TTC7B: variants seen among roughly 807,000 people sequenced by gnomAD.
The protein encoded by TTC7B is tetratricopeptide repeat protein 7B.
A neutral mutation model predicts 106.8 loss-of-function variants in TTC7B; 28 were observed. That is an observed-to-expected ratio of 0.26 (90% confidence interval 0.19 to 0.36). TTC7B has a LOEUF of 0.36. TTC7B is among the 10% of genes least tolerant of loss of function. TTC7B has a pLI of 1.00. For synonymous variants in TTC7B, 405 were observed against 430.6 expected, an observed-to-expected ratio of 0.94 and a Z score of 0.74; for missense variants, 862 against 1,076.4, an observed-to-expected ratio of 0.80 and a Z score of 2.79.
intron 5 of TTC7B, among the ~76,000 whole-genome samples, chr14:90,723,605 C>T (rs1888976549): frequency 6.6e-6 from 1 of 152,204 alleles, no homozygotes; most frequent in Non-Finnish European, 1.5e-5. Flanking sequence ...TTCCCCTGTG[C>T]TTGACCTGGT....
At chr14:90,704,210 C>T (rs1888114423) in intron 5 of TTC7B, among the ~76,000 whole-genome samples, 1 of 152,244 alleles carries the variant, frequency 6.6e-6, no homozygotes, top group South Asian at 2.1e-4. Flanking sequence ...CTACGTCCCA[C>T]CATCCGGCCC....
At chr14:90,561,502 G>A (rs1049549109) in intron 19 of TTC7B, among the ~76,000 whole-genome samples, 20 of 152,194 alleles carry the variant, frequency 1.3e-4, no homozygotes, top group African/African-American at 4.3e-4. Context: ...ACCAAGGTGC[G>A]GCATTTGTTG....
At chr14:90,784,884 A>G (rs2140039691) in intron 2 of TTC7B, among the ~76,000 whole-genome samples, 1 of 152,294 alleles carries the variant, frequency 6.6e-6, no homozygotes, top group South Asian at 2.1e-4. Context: ...ACATACACAG[A>G]GACAATTTTG....
intron 17 of TTC7B, 84 bp from the exon 18 acceptor site, chr14:90,593,710 G>C (rs1892075516): frequency 3.1e-6 from 4 of 1,307,008 alleles, no homozygotes; most frequent in Non-Finnish European, 4.1e-6. Context: ...GACAAGCGCG[G>C]AACACACACA....
intron 18 of TTC7B, among the ~76,000 whole-genome samples, chr14:90,589,124 C>T (rs61987008): frequency 0.058 from 8,856 of 152,228 alleles, 285 homozygotes; most frequent in Middle Eastern, 0.075. Context: ...AGAAAGTGGA[C>T]GTTAGCACAT....
intron 5 of TTC7B, among the ~76,000 whole-genome samples, chr14:90,711,546 C>T (rs924980133): frequency 3.9e-5 from 6 of 152,208 alleles, no homozygotes; most frequent in African/African-American, 1.2e-4. Flanking sequence ...CTCAGCCCCC[C>T]AAGTAGCTGG....
intron 19 of TTC7B, among the ~76,000 whole-genome samples, chr14:90,542,316 G>C (rs912836223): frequency 3.3e-5 from 5 of 151,952 alleles, no homozygotes; most frequent in African/African-American, 1.2e-4. Flanking sequence ...TTTTTACATT[G>C]CTCACAGCCC....
chr14:90,543,672 C>A (rs576452025), intron 19 of TTC7B, among the ~76,000 whole-genome samples: 1 of 152,354 alleles, frequency 6.6e-6, no homozygotes, highest in Admixed American at 6.5e-5. Flanking sequence ...CTTGCATTAC[C>A]TCTCTTGGAG....
intron 5 of TTC7B, among the ~76,000 whole-genome samples, chr14:90,726,176 T>C (rs1355471179): frequency 1.3e-5 from 2 of 152,194 alleles, no homozygotes; most frequent in African/African-American, 2.4e-5. Flanking sequence ...CTGGCGGCAA[T>C]GACTCAAGTA....
In TTC7B at chr14:90,802,272, G is replaced by A. The variant is rs1050646753; in HGVS notation, c.121+13903C>T. Among the ~76,000 whole-genome samples the A allele has an allele frequency of 6.6e-6, 1 of 152,120 alleles. No homozygotes were observed. The highest frequency in any genetic ancestry group is 1.5e-5 in the Non-Finnish European group (1 of 67,990). ...TTGCAGGGGGCTGGGCCAGTCCTTA[G>A]ACAGCGATGGGGGTTCAGGGAGCCT... On this transcript the variant is annotated intron_variant, in intron 1 of 19. Transcript: ENST00000328459. The surrounding 1 kb of genome is among the most constrained non-coding windows in gnomAD (Gnocchi z 4.7).
At chr14:90,646,396 A>G (rs1034643475) in intron 14 of TTC7B, among the ~76,000 whole-genome samples, 1 of 152,230 alleles carries the variant, frequency 6.6e-6, no homozygotes, top group African/African-American at 2.4e-5. Context: ...AAGGCCGACA[A>G]AACTTGCCCC....
At chr14:90,718,078 T>G (rs1447120467) in intron 5 of TTC7B, among the ~76,000 whole-genome samples, 1 of 152,268 alleles carries the variant, frequency 6.6e-6, no homozygotes, top group Admixed American at 6.5e-5. Context: ...GAGGCCACAC[T>G]TAAACTCTCT....
intron 1 of TTC7B, among the ~76,000 whole-genome samples, chr14:90,806,375 T>C (rs1328002955): frequency 1.3e-5 from 2 of 152,122 alleles, no homozygotes; most frequent in Non-Finnish European, 2.9e-5. Context: ...TGGGCCTGAG[T>C]CACAATCAGT....
intron 3 of TTC7B, among the ~76,000 whole-genome samples, chr14:90,775,945 T>C (rs549718361): frequency 6.6e-6 from 1 of 152,248 alleles, no homozygotes; most frequent in South Asian, 2.1e-4. Context: ...GTTTAAAAAT[T>C]TTATTTTACT....
chr14:90,669,733 C>T (rs948682068), intron 9 of TTC7B, among the ~76,000 whole-genome samples: 3 of 152,168 alleles, frequency 2.0e-5, no homozygotes, highest in Non-Finnish European at 2.9e-5. Flanking sequence ...TGAGATATCA[C>T]ATCACACCTA....
At chr14:90,607,921 A>G (rs1301366661) in intron 17 of TTC7B, among the ~76,000 whole-genome samples, 1 of 152,264 alleles carries the variant, frequency 6.6e-6, no homozygotes, top group Non-Finnish European at 1.5e-5. Flanking sequence ...AAGCTAATAA[A>G]TACAGTTATT....
intron 15 of TTC7B, among the ~76,000 whole-genome samples, chr14:90,632,936 T>C (rs1884764962): frequency 6.6e-6 from 1 of 152,200 alleles, no homozygotes; most frequent in African/African-American, 2.4e-5. Flanking sequence ...GAATGACTGA[T>C]TAAATGAATG....
chr14:90,720,185 C>T (rs1261869051), intron 5 of TTC7B, among the ~76,000 whole-genome samples: 4 of 152,116 alleles, frequency 2.6e-5, no homozygotes, highest in East Asian at 1.9e-4. Flanking sequence ...CTCACCTTTG[C>T]CAGTTAGCTC....
At chr14:90,576,251 A>C (rs1406274370) in intron 19 of TTC7B, among the ~76,000 whole-genome samples, 1 of 152,170 alleles carries the variant, frequency 6.6e-6, no homozygotes, top group Non-Finnish European at 1.5e-5. Flanking sequence ...CGGGGATTGT[A>C]CGTCTTCTAG....
Sources: gnomAD v4.1 joint callset for allele counts (sites outside exome capture counted in the v4.1 genomes callset) on GRCh38, gnomAD v4.1.1 for gene constraint, Gnocchi (gnomAD v3.1) non-coding constraint, MANE v1.5 for transcripts, NCBI Gene and HGNC (gene_info 2026-07-23, HGNC 2026-07-21) for gene names.